The following BTNL9 variants were observed in gnomAD, a reference collection of about 807,000 sequenced individuals.
The protein encoded by BTNL9 is butyrophilin like 9.
BTNL9 carries 45 observed loss-of-function variants against 45.8 expected under a neutral mutation model. The observed-to-expected ratio is 0.98, with a 90% CI of 0.77 to 1.26. BTNL9 has a LOEUF of 1.26. Among genes scored for constraint, BTNL9 ranks in the 50% most tolerant of loss-of-function variants. BTNL9 has a pLI of 0.00. For missense variants in BTNL9, 784 were observed against 729.7 expected, an observed-to-expected ratio of 1.07 and a Z score of -0.86; for synonymous variants, 346 against 330.8, an observed-to-expected ratio of 1.05 and a Z score of -0.50.
rs536438792 is a variant in BTNL9, at chr5:181,059,466, G to T, written c.1212G>T (p.Ala404=). 1.8e-5 allele frequency: 26 copies of T among 1,444,184 alleles called. No homozygotes were observed. In the South Asian group the frequency reaches 3.2e-4, roughly 18 times the overall value. 89.5% of individuals were successfully genotyped at this position (1,444,184 alleles called of 1,614,324 possible). Residue 404 remains alanine, a synonymous_variant, in exon 11 of 11, where the codon GCG becomes GCT. Transcript: ENST00000327705. ...SRWFLGACLA[A]VPRAGPARLS... ...GGTTCCTGGGCGCCTGCCTGGCCGC[G>T]GTGCCGCGCGCGGGGCCTGCGCGCC...
chr5:181,056,314 T>C (rs959152793), intron 9 of BTNL9, among the ~76,000 whole-genome samples: 3 of 152,208 alleles, frequency 2.0e-5, no homozygotes, highest in African/African-American at 7.2e-5. Context: ...AATACTTCTC[T>C]GCATACCTCC....
intron 3 of BTNL9, 129 bp downstream of exon 3, chr5:181,048,400 C>A: frequency 1.2e-6 from 1 of 840,506 alleles, no homozygotes; most frequent in Non-Finnish European, 1.8e-6. Flanking sequence ...ATGGATAGGT[C>A]CATTCTCAAA....
rs755306047 is a variant in BTNL9 at position 181,045,599 on chromosome 5, G to C, written c.109+1G>C. ...CTTCAGCCTGGGGAGCCGAGCTCAG[G>C]TATTGTGTCTGCAGCCTAGCTGGCC... On this transcript the variant is annotated splice_donor_variant, in intron 2 of 10. Transcript: ENST00000327705. LOFTEE classifies it high-confidence loss of function. 9.3e-6 allele frequency: 15 copies of C among 1,607,806 alleles called. No individual in the cohort carries two copies. Among genetic ancestry groups the C allele is most frequent in the African/African-American group, 2.7e-5 (2 of 74,624 alleles).
rs1253090375 is a variant in BTNL9, at chr5:181,048,743, C to CTA, written c.454+481_454+482dup. 2.5e-4 allele frequency among the ~76,000 whole-genome samples: 9 copies of CTA among 36,612 alleles called. No homozygotes were observed. In the East Asian group the frequency reaches 5.5e-3, roughly 22 times the overall value. The allele number at this position is 36,612 out of a possible 152,430, so 24.0% of individuals were successfully genotyped here. Reference sequence around the variant, plus strand: ...TATATATATCTATATATATATCTATCTATATATATAGATATAGATATATAT... The same window carrying CTA: ...TATATATATCTATATATATATCTATCTATATATATATAGATATAGATATATAT... On this transcript the variant is annotated intron_variant, in intron 3 of 10. Transcript: ENST00000327705.
At position 181,050,212 on chromosome 5, in the gene BTNL9, C is replaced by T. The variant is rs1761458783; in HGVS notation, c.579C>T (p.Cys193=). The change falls in exon 4 of 11, where the codon TGC becomes TGT. Residue 193 remains cysteine (C), a synonymous_variant. Coordinates refer to ENST00000327705, the MANE Select transcript of BTNL9 (RefSeq NM_152547.5). This position sits in a 1 kb window ranked among gnomAD's most constrained non-coding sequence, Gnocchi z 4.9. ...KVQWRDHQGQ[C]LPPEFEAIVW... ...AGTGGAGAGACCACCAGGGACAGTG[C>T]CTGCCTCCAGAGTTTGAAGCCATCG... The T allele has an allele frequency of 6.2e-7, 1 of 1,614,004 alleles. No individual in the cohort carries two copies. The highest frequency in any genetic ancestry group is 1.1e-5 in the South Asian group (1 of 91,090).
chr5:181,053,984 A>T lies in BTNL9; in HGVS notation c.887-255A>T, dbSNP rs1761733805. 1 of 1,533,362 alleles carries T rather than the reference A, an allele frequency of 6.5e-7. No homozygotes were observed. Among genetic ancestry groups the T allele is most frequent in the East Asian group, 2.5e-5 (1 of 40,644 alleles). The allele number at this position is 1,533,362 out of a possible 1,614,324, so 95.0% of individuals were successfully genotyped here. A position where few individuals can be genotyped will look rare whatever the true frequency, so the allele number is the denominator to read the frequency against. ...GAGCTAATAGATTTGGGAGGCTCCG[A>T]CCCTGATTTTCACACTAGCAGGAGG... On this transcript the variant is annotated intron_variant, in intron 6 of 10. Transcript: ENST00000327705. This position sits in a 1 kb window ranked among gnomAD's most constrained non-coding sequence, Gnocchi z 6.5.
chr5:181,046,426 T>G (rs1761156577), intron 2 of BTNL9, among the ~76,000 whole-genome samples: 1 of 152,106 alleles, frequency 6.6e-6, no homozygotes, highest in African/African-American at 2.4e-5. Context: ...CACTGGCCTG[T>G]GTTTGTGCTG....
chr5:181,055,835 C>T lies in BTNL9; in HGVS notation c.929-154C>T, dbSNP rs1038931058. 2 of 841,496 alleles carry T rather than the reference C, an allele frequency of 2.4e-6. No homozygotes were observed. Among genetic ancestry groups the T allele is most frequent in the Admixed American group, 1.8e-5 (1 of 56,830 alleles). 52.1% of individuals were successfully genotyped at this position (841,496 alleles called of 1,614,324 possible). On this transcript the variant is annotated intron_variant, in intron 8 of 10. Transcript: ENST00000327705. The surrounding 1 kb of genome is among the most constrained non-coding windows in gnomAD (Gnocchi z 4.4). ...TCTGATTCCCCATATATCTTCTTCT[C>T]ATCTCCCAACCAGGTATGATGCCCA...
chr5:181,045,264 G>A (rs1051162514), intron 1 of BTNL9, among the ~76,000 whole-genome samples: 2 of 152,148 alleles, frequency 1.3e-5, no homozygotes, highest in East Asian at 1.9e-4. Context: ...GCAAGGCCAC[G>A]GATGCCATTA....
chr5:181,053,968 G>A lies in BTNL9; in HGVS notation c.887-271G>A, dbSNP rs1193573799. The A allele has an allele frequency of 2.6e-6, 4 of 1,529,588 alleles. No homozygotes were observed. In the South Asian group the frequency reaches 4.8e-5, roughly 18 times the overall value. 94.8% of individuals were successfully genotyped at this position (1,529,588 alleles called of 1,614,324 possible). A position where few individuals can be genotyped will look rare whatever the true frequency, so the allele number is the denominator to read the frequency against. ...GCTTAACGTTTCCGCCGAGCTAATAGATTTGGGAGGCTCCGACCCTGATTT... is the reference window on the plus strand; with the variant it reads ...GCTTAACGTTTCCGCCGAGCTAATAAATTTGGGAGGCTCCGACCCTGATTT... On this transcript the variant is annotated intron_variant, in intron 6 of 10. Transcript: ENST00000327705. The surrounding 1 kb of genome is among the most constrained non-coding windows in gnomAD (Gnocchi z 6.5).
rs911965815 is a variant in BTNL9, at chr5:181,061,511, CTTTT to C, written c.*1653_*1656del. 1 of 152,160 alleles carries C rather than the reference CTTTT, an allele frequency of 6.6e-6. No homozygotes were observed. The highest frequency in any genetic ancestry group is 1.5e-5 in the Non-Finnish European group (1 of 68,026). 9.4% of individuals were successfully genotyped at this position (152,160 alleles called of 1,614,324 possible). A position where few individuals can be genotyped will look rare whatever the true frequency, so the allele number is the denominator to read the frequency against. ...CAGTTCTGTAATAAAGGGGAAAACA[CTTTT>C]TTTAAATACTCATATTCAAAATCAT... is the stretch of plus-strand genomic sequence containing the variant. On this transcript the variant is annotated 3_prime_UTR_variant, in exon 11 of 11. Transcript: ENST00000327705.
At chr5:181,047,904 C>T in intron 2 of BTNL9, 23 bp from the exon 3 acceptor site, 1 of 1,595,156 alleles carries the variant, frequency 6.3e-7, no homozygotes, top group Admixed American at 1.7e-5. Context: ...GTTGCTTTTG[C>T]CTGTTCTGAC....
At chr5:181,049,961 C>G in intron 3 of BTNL9, 127 bp from the exon 4 acceptor site, 1 of 1,239,308 alleles carries the variant, frequency 8.1e-7, no homozygotes, top group Non-Finnish European at 1.1e-6. Flanking sequence ...CAAGCCCACA[C>G]ACGTCTTAAT....
chr5:181,055,716 C>T lies in BTNL9; in HGVS notation c.928+263C>T. ...CCCGGGAAGCGGAGCTTGCAGTGAGCCGAGATGGCGCCACTGCACTCCAGC... is the reference window on the plus strand; with the variant it reads ...CCCGGGAAGCGGAGCTTGCAGTGAGTCGAGATGGCGCCACTGCACTCCAGC... On this transcript the variant is annotated intron_variant, in intron 8 of 10. Coordinates refer to ENST00000327705, the MANE Select transcript of BTNL9 (RefSeq NM_152547.5). This position sits in a 1 kb window ranked among gnomAD's most constrained non-coding sequence, Gnocchi z 4.4. The T allele has an allele frequency of 1.4e-6, 1 of 692,138 alleles. No homozygotes were observed. The allele number at this position is 692,138 out of a possible 1,614,324, so 42.9% of individuals were successfully genotyped here. A position where few individuals can be genotyped will look rare whatever the true frequency, so the allele number is the denominator to read the frequency against.
rs1582141736 is a variant in BTNL9, at chr5:181,053,829, C to T, written c.886+328C>T. On this transcript the variant is annotated intron_variant, in intron 6 of 10. Transcript: ENST00000327705. This position sits in a 1 kb window ranked among gnomAD's most constrained non-coding sequence, Gnocchi z 6.5. ...TCTCTGCTGCCAGCGCCACCTCGTC[C>T]AGGTTTTCATAGCGCACAGGGAGTC... is the stretch of plus-strand genomic sequence containing the variant. 6.5e-5 allele frequency: 98 copies of T among 1,515,548 alleles called. No individual in the cohort carries two copies. The East Asian group carries it at 2.4e-3, about 38-fold the overall frequency. The allele number at this position is 1,515,548 out of a possible 1,614,324, so 93.9% of individuals were successfully genotyped here. A position where few individuals can be genotyped will look rare whatever the true frequency, so the allele number is the denominator to read the frequency against.
At chr5:181,048,817 GT>G (rs1761361384) in intron 3 of BTNL9, among the ~76,000 whole-genome samples, 1 of 134,058 alleles carries the variant, frequency 7.5e-6, no homozygotes, top group Admixed American at 7.8e-5. Flanking sequence ...AATTATATTA[GT>G]TATATAATAT....
chr5:181,049,517 T>G (rs920871751), intron 3 of BTNL9, among the ~76,000 whole-genome samples: 2 of 152,126 alleles, frequency 1.3e-5, no homozygotes, highest in Non-Finnish European at 2.9e-5. Flanking sequence ...AAAGGGAACA[T>G]AGGAAGGATA....
chr5:181,047,173 G>C (rs528876946), intron 2 of BTNL9, among the ~76,000 whole-genome samples: 1 of 152,186 alleles, frequency 6.6e-6, no homozygotes, highest in Non-Finnish European at 1.5e-5. Flanking sequence ...GCAGGGAACC[G>C]TGCGTGCGGA....
At position 181,048,752 on chromosome 5, in the gene BTNL9, TAG is replaced by T. The variant is rs1473277122; in HGVS notation, c.454+483_454+484del. Among the ~76,000 whole-genome samples, 32 of 142,202 alleles carry T rather than the reference TAG, an allele frequency of 2.3e-4. 2 individuals are homozygous for T. Among genetic ancestry groups the T allele is most frequent in the African/African-American group, 8.2e-4 (31 of 37,602 alleles). 93.3% of individuals were successfully genotyped at this position (142,202 alleles called of 152,430 possible). ...CTATATATATATCTATCTATATATA[TAG>T]ATATAGATATATATAGTATGCTATA... On this transcript the variant is annotated intron_variant, in intron 3 of 10. Transcript: ENST00000327705.
Sources: gnomAD v4.1 joint callset for allele counts (sites outside exome capture counted in the v4.1 genomes callset) on GRCh38, gnomAD v4.1.1 for gene constraint, Gnocchi (gnomAD v3.1) non-coding constraint, MANE v1.5 for transcripts, NCBI Gene and HGNC (gene_info 2026-07-23, HGNC 2026-07-21) for gene names.